The following COP1 variants were observed in gnomAD, a reference collection of about 807,000 sequenced individuals.
COP1 encodes COP1 E3 ubiquitin ligase.
Under a neutral mutation model 101.3 loss-of-function variants are expected in COP1, and 24 were observed. The observed-to-expected ratio is 0.24, with a 90% CI of 0.17 to 0.33. The LOEUF (loss-of-function observed/expected upper bound fraction) is 0.33. Ranked by LOEUF, COP1 falls within the 10% of genes least tolerant of loss-of-function variation. COP1 has a pLI of 1.00. For synonymous variants in COP1, 347 were observed against 341.9 expected (o/e 1.01, Z -0.17); for missense variants, 663 against 906.2 (o/e 0.73, Z 3.45).
chr1:176,001,073 C>A, intron 15 of COP1, among the ~76,000 whole-genome samples: 1 of 151,976 alleles, frequency 6.6e-6, no homozygotes, highest in Admixed American at 6.6e-5. Flanking sequence ...TCTTTCAAAC[C>A]CTTTCCAGTT....
chr1:176,058,187 G>GT (rs1278488901), intron 11 of COP1, among the ~76,000 whole-genome samples: 2 of 150,054 alleles, frequency 1.3e-5, no homozygotes, highest in African/African-American at 2.4e-5. Flanking sequence ...GTAGGGAGGG[G>GT]GGGGGTCAGC....
At chr1:176,070,604 G>A (rs113348451) in intron 11 of COP1, among the ~76,000 whole-genome samples, 6 of 152,242 alleles carry the variant, frequency 3.9e-5, no homozygotes, top group African/African-American at 1.4e-4. Flanking sequence ...AGAGGTTGCA[G>A]TGAGCCAAGA....
At chr1:175,989,785 T>C (rs1657976084) in intron 15 of COP1, among the ~76,000 whole-genome samples, 1 of 152,164 alleles carries the variant, frequency 6.6e-6, no homozygotes, top group Non-Finnish European at 1.5e-5. Flanking sequence ...TTATTTCCCA[T>C]ATTTGTTTTA....
intron 18 of COP1, among the ~76,000 whole-genome samples, chr1:175,985,928 A>AT (rs935956104): frequency 1.3e-5 from 2 of 151,958 alleles, no homozygotes; most frequent in Admixed American, 1.3e-4. Context: ...TCAAGTCAGA[A>AT]TTTTTTTTGT....
At chr1:176,115,301 T>C (rs1467070097) in intron 9 of COP1, among the ~76,000 whole-genome samples, 1 of 151,678 alleles carries the variant, frequency 6.6e-6, no homozygotes, top group Non-Finnish European at 1.5e-5. Flanking sequence ...AATACAAAAA[T>C]TACCCAGACG....
Position 176,085,834 on chromosome 1 carries a change from A to G in COP1, c.1083T>C (p.Thr361=). The G allele has an allele frequency of 6.2e-7, 1 of 1,608,766 alleles. No individual in the cohort carries two copies. The highest frequency in any genetic ancestry group is 1.1e-5 in the South Asian group (1 of 90,588). The part of the protein sequence containing the change: ...STLASRRKRL[T]AHFEDLEQCY... ...ACTGCTCCAAGTCTTCAAAATGAGCAGTAAGTCGTTTTCGTCTTGATGCTA... is the reference window on the plus strand; with the variant it reads ...ACTGCTCCAAGTCTTCAAAATGAGCGGTAAGTCGTTTTCGTCTTGATGCTA... Residue 361 remains threonine (T), a synonymous_variant, in exon 10 of 20, where the codon ACT becomes ACC. Coordinates refer to ENST00000367669, the MANE Select transcript of COP1 (RefSeq NM_022457.7).
At chr1:175,999,377 G>T (rs565088423) in intron 15 of COP1, among the ~76,000 whole-genome samples, 4 of 151,774 alleles carry the variant, frequency 2.6e-5, no homozygotes, top group Non-Finnish European at 5.9e-5. Context: ...TCTATGCCAG[G>T]CTTATTTCAC....
intron 18 of COP1, among the ~76,000 whole-genome samples, chr1:175,983,769 A>G (rs1040029426): frequency 2.6e-5 from 4 of 152,204 alleles, no homozygotes; most frequent in Admixed American, 2.6e-4. Context: ...GTGGTCTCAG[A>G]TGGAGATGAG....
intron 11 of COP1, among the ~76,000 whole-genome samples, chr1:176,069,023 C>CA (rs1037138265): frequency 1.3e-5 from 2 of 151,716 alleles, no homozygotes; most frequent in African/African-American, 2.4e-5. Flanking sequence ...CCTGTCTCCA[C>CA]AAAAAAATAC....
At chr1:176,141,735 C>CT (rs113303187) in intron 6 of COP1, among the ~76,000 whole-genome samples, 11,612 of 142,190 alleles carry the variant, frequency 0.082, 1,257 homozygotes, top group African/African-American at 0.25. Context: ...TTTTTCTTTT[C>CT]TTTTTTTTTT....
chr1:176,043,960 C>A, intron 12 of COP1, 142 bp from the exon 13 acceptor site: 1 of 580,416 alleles, frequency 1.7e-6, no homozygotes, highest in Non-Finnish European at 3.1e-6. Flanking sequence ...CCACAACATA[C>A]CTGGGAAAAG....
intron 1 of COP1, 142 bp downstream of exon 1, chr1:176,206,430 C>T: frequency 1.1e-6 from 1 of 926,058 alleles, no homozygotes; most frequent in Non-Finnish European, 1.6e-6. Context: ...TGCAAACGCT[C>T]GATTCCCTCT....
chr1:176,105,157 G>C (rs1461186077), intron 9 of COP1, among the ~76,000 whole-genome samples: 1 of 152,146 alleles, frequency 6.6e-6, no homozygotes, highest in East Asian at 1.9e-4. Flanking sequence ...GAGTAGAAAA[G>C]ATGGAGGTAG....
rs563653994 is a variant in COP1 at position 175,993,895 on chromosome 1, G to A, written c.1730-4416C>T. Among the ~76,000 whole-genome samples the A allele has an allele frequency of 6.3e-3, 962 of 152,118 alleles. 15 individuals are homozygous for A. Among genetic ancestry groups the A allele is most frequent in the African/African-American group, 0.022 (905 of 41,486 alleles). On this transcript the variant is annotated intron_variant, in intron 15 of 19. Coordinates refer to ENST00000367669, the MANE Select transcript of COP1 (RefSeq NM_022457.7). ...TTCAGATTCAGGAAATATAGAGAAC[G>A]CCACAAAGATACTCCTCGAGAAGAG...
intron 18 of COP1, 27 bp downstream of exon 18, chr1:175,986,916 G>C (rs767953939): frequency 6.8e-5 from 103 of 1,524,900 alleles, no homozygotes; most frequent in Non-Finnish European, 8.8e-5. Flanking sequence ...GAGATCCCAA[G>C]GTGAAAAAAC....
chr1:176,205,854 A>G (rs1700788002), intron 1 of COP1, among the ~76,000 whole-genome samples: 1 of 152,238 alleles, frequency 6.6e-6, no homozygotes, highest in African/African-American at 2.4e-5. Flanking sequence ...AGTATAGTAC[A>G]GTTACATCTG....
chr1:175,962,734 T>C (rs1255618256), intron 18 of COP1, among the ~76,000 whole-genome samples: 1 of 152,166 alleles, frequency 6.6e-6, no homozygotes, highest in East Asian at 1.9e-4. Flanking sequence ...AGTGTTCTAT[T>C]CCTTCAGCCA....
intron 14 of COP1, among the ~76,000 whole-genome samples, chr1:176,036,507 C>CA (rs77138527): frequency 0.013 from 1,616 of 127,238 alleles, 23 homozygotes; most frequent in African/African-American, 0.046. Context: ...AACAAAAAAA[C>CA]AAAAAAAAAA....
At chr1:176,039,417 C>T (rs1461332202) in intron 14 of COP1, among the ~76,000 whole-genome samples, 2 of 151,206 alleles carry the variant, frequency 1.3e-5, no homozygotes, top group Admixed American at 1.3e-4. Flanking sequence ...CAAGTTAAAT[C>T]TAAAGTAAGC....
Sources: allele counts gnomAD v4.1 joint callset (sites outside exome capture counted in the v4.1 genomes callset), GRCh38; gene constraint gnomAD v4.1.1; transcripts MANE v1.5; gene names NCBI Gene and HGNC (gene_info 2026-07-23, HGNC 2026-07-21).